Variants in RRP1 observed in about 807,000 individuals in gnomAD.
RRP1 encodes ribosomal RNA processing protein 1 homolog A.
In RRP1, 37 loss-of-function variants were observed where a neutral mutation model predicts 54.6. The ratio of observed to expected loss-of-function variants is 0.68; its 90% CI spans 0.52 to 0.89. The LOEUF (loss-of-function observed/expected upper bound fraction) is 0.89. Ranked by LOEUF, RRP1 falls within the 40% of genes least tolerant of loss-of-function variation. The pLI is 0.00. For missense variants in RRP1, 639 were observed against 612.5 expected (o/e 1.04, Z -0.46); for synonymous variants, 262 against 244.3 (o/e 1.07, Z -0.67).
chr21:43,797,262 G>T lies in RRP1; in HGVS notation c.423-160G>T, dbSNP rs375068117. 9.6e-6 allele frequency: 12 copies of T among 1,253,314 alleles called. No individual in the cohort carries two copies. The South Asian group carries it at 1.6e-4, about 16-fold the overall frequency. The allele number at this position is 1,253,314 out of a possible 1,614,324, so 77.6% of individuals were successfully genotyped here. A position where few individuals can be genotyped will look rare whatever the true frequency, so the allele number is the denominator to read the frequency against. ...GCGCTGGAGGAGACCTAGGATCGTT[G>T]ATATCATCTGCGTGGACTTTAAGGC... On this transcript the variant is annotated intron_variant, in intron 5 of 12. Transcript: ENST00000497547.
At chr21:43,794,510 C>G (rs1284795872) in intron 4 of RRP1, among the ~76,000 whole-genome samples, 6 of 152,214 alleles carry the variant, frequency 3.9e-5, no homozygotes, top group Non-Finnish European at 5.9e-5. Flanking sequence ...AGTGTCCGGG[C>G]TGCTGGGCTG....
At chr21:43,797,848 CTTCCGCTTGGGAATCCAGCA>C (rs1275379568) in intron 7 of RRP1, 39 bp from the exon 8 acceptor site, 4 of 1,579,442 alleles carry the variant, frequency 2.5e-6, no homozygotes, top group Non-Finnish European at 3.5e-6. Context: ...GAGTCGGCGG[CTTCCGCTTGGGAATCCAGCA>C]TAACGGGCCT....
chr21:43,803,869 G>A lies in RRP1; in HGVS notation c.*95G>A, dbSNP rs955794414. On this transcript the variant is annotated 3_prime_UTR_variant, in exon 13 of 13. Coordinates refer to ENST00000497547, the MANE Select transcript of RRP1 (RefSeq NM_003683.6). ...GGCTGTTCTGTAGACTCAGGACCGT[G>A]GCTCCAGAACTCCTGTGCCAGGCGG... The A allele has an allele frequency of 1.3e-5, 19 of 1,409,486 alleles. No homozygotes were observed. The African/African-American group carries it at 2.7e-4, about 20-fold the overall frequency. The allele number at this position is 1,409,486 out of a possible 1,614,324, so 87.3% of individuals were successfully genotyped here.
intron 1 of RRP1, chr21:43,790,618 A>G (rs995838538): frequency 2.2e-5 from 4 of 178,696 alleles, no homozygotes; most frequent in Admixed American, 1.7e-4. Flanking sequence ...GACAGACCTC[A>G]CTGTCATCCG....
rs1438604202 is a variant in RRP1, at chr21:43,797,541, G to T, written c.542G>T (p.Gly181Val). The T allele has an allele frequency of 6.2e-7, 1 of 1,613,988 alleles. No individual in the cohort carries two copies. Among genetic ancestry groups the T allele is most frequent in the East Asian group, 2.2e-5 (1 of 44,882 alleles). Residue 181 changes from glycine to valine, a missense_variant, in exon 6 of 13, where the codon GGC (glycine) becomes GTC (valine). Coordinates refer to ENST00000497547, the MANE Select transcript of RRP1 (RefSeq NM_003683.6). ...TTCCTGGAGGAGCTGACCAAAGTGGGCGCCGAGGAGGTGAGGCTGGGCTCC... is the reference window on the plus strand; with the variant it reads ...TTCCTGGAGGAGCTGACCAAAGTGGTCGCCGAGGAGGTGAGGCTGGGCTCC... ...EIFLEELTKV[G>V]AEELTADQNL...
chr21:43,797,317 C>T (rs926997649), intron 5 of RRP1, 105 bp from the exon 6 acceptor site: 32 of 1,490,648 alleles, frequency 2.1e-5, no homozygotes, highest in Middle Eastern at 2.5e-4. Context: ...GGCGCCTGCC[C>T]GCACTTAGGT....
intron 11 of RRP1, among the ~76,000 whole-genome samples, chr21:43,801,692 T>C (rs2085093428): frequency 6.6e-6 from 1 of 152,130 alleles, no homozygotes; most frequent in Non-Finnish European, 1.5e-5. Context: ...GCTGGTCGTC[T>C]GGGGTTTTCG....
chr21:43,802,629 C>T (rs890977358), intron 12 of RRP1: 2 of 515,692 alleles, frequency 3.9e-6, no homozygotes, highest in African/African-American at 1.9e-5. Context: ...GCGCTGCCCT[C>T]CCTCCCGGTC....
At chr21:43,791,236 C>CT in intron 1 of RRP1, 114 bp from the exon 2 acceptor site, 1 of 1,102,554 alleles carries the variant, frequency 9.1e-7, no homozygotes, top group Non-Finnish European at 1.4e-6. Flanking sequence ...CCCCAGTTGC[C>CT]TTTACCGTAA....
rs777838269 is a variant in RRP1 at position 43,789,593 on chromosome 21, G to A, written c.-37G>A. On this transcript the variant is annotated 5_prime_UTR_variant, in exon 1 of 13. Coordinates refer to ENST00000497547, the MANE Select transcript of RRP1 (RefSeq NM_003683.6). ...CGCGTGCTCAGTGTGCTGGGTACCA[G>A]GCGACTCCGGGACAGGGGGTCTCGG... 9 of 1,572,612 alleles carry A rather than the reference G, an allele frequency of 5.7e-6. No homozygotes were observed. Among genetic ancestry groups the A allele is most frequent in the South Asian group, 1.2e-5 (1 of 86,366 alleles).
chr21:43,791,064 A>C (rs1476826780), intron 1 of RRP1: 2 of 537,570 alleles, frequency 3.7e-6, no homozygotes, highest in Non-Finnish European at 7.1e-6. Context: ...AAGGTTCGCA[A>C]TTTTGAATTT....
chr21:43,793,523 G>C (rs2084982418), intron 4 of RRP1, 119 bp downstream of exon 4: 2 of 772,912 alleles, frequency 2.6e-6, no homozygotes, highest in Non-Finnish European at 4.3e-6. Flanking sequence ...CCTGAAGCCA[G>C]GGGTGGGAGG....
intron 4 of RRP1, among the ~76,000 whole-genome samples, chr21:43,793,767 G>A (rs977085672): frequency 7.9e-5 from 12 of 152,368 alleles, no homozygotes; most frequent in Admixed American, 7.8e-4. Context: ...TCACGCCCTA[G>A]CATGAGCCCT....
At chr21:43,794,188 A>T (rs1420022062) in intron 4 of RRP1, among the ~76,000 whole-genome samples, 7 of 152,226 alleles carry the variant, frequency 4.6e-5, no homozygotes, top group Non-Finnish European at 1.0e-4. Flanking sequence ...GTGATTCTAG[A>T]AGTGGAGACC....
intron 12 of RRP1, 43 bp downstream of exon 12, chr21:43,802,430 C>T: frequency 6.6e-7 from 1 of 1,519,648 alleles, no homozygotes; most frequent in Non-Finnish European, 9.1e-7. Flanking sequence ...GGCGTCCTCA[C>T]CTGCTTGCTT....
intron 8 of RRP1, 22 bp from the exon 9 acceptor site, chr21:43,799,548 C>T (rs1469921780): frequency 6.2e-7 from 1 of 1,605,482 alleles, no homozygotes; most frequent in South Asian, 1.1e-5. Context: ...AGGTAGGGTT[C>T]ACGGGGTCCC....
rs144601950 is a variant in RRP1 at position 43,798,567 on chromosome 21, C to T, written c.811+467C>T. Among the ~76,000 whole-genome samples the T allele has an allele frequency of 2.8e-3, 421 of 152,270 alleles. 2 individuals carry two copies. The highest frequency in any genetic ancestry group is 4.8e-3 in the Non-Finnish European group (329 of 68,010). ...GTTCCTCGTTCCTGGCCCGTCTCCC[C>T]AGAGGACAGCAAGCTCTGTCCATAT... On this transcript the variant is annotated intron_variant, in intron 8 of 12. Transcript: ENST00000497547.
chr21:43,792,945 C>G (rs1007161290), intron 3 of RRP1: 6 of 587,546 alleles, frequency 1.0e-5, no homozygotes, highest in Non-Finnish European at 1.8e-5. Context: ...ACCCTCATTT[C>G]GAGCCTAATG....
chr21:43,797,296 T>C lies in RRP1; in HGVS notation c.423-126T>C, dbSNP rs1388543280. On this transcript the variant is annotated intron_variant, in intron 5 of 12. Coordinates refer to ENST00000497547, the MANE Select transcript of RRP1 (RefSeq NM_003683.6). ...TGCGTGGACTTTAAGGCTGGCATGT[T>C]TGCAGACAGTGGCGCCTGCCCGCAC... is the stretch of plus-strand genomic sequence containing the variant. 2.3e-5 allele frequency: 34 copies of C among 1,450,240 alleles called. No individual in the cohort carries two copies. In the Admixed American group the frequency reaches 8.4e-4, roughly 36 times the overall value. 89.8% of individuals were successfully genotyped at this position (1,450,240 alleles called of 1,614,324 possible).
Sources: gnomAD v4.1 joint callset for allele counts (sites outside exome capture counted in the v4.1 genomes callset) on GRCh38, gnomAD v4.1.1 for gene constraint, MANE v1.5 for transcripts, NCBI Gene and HGNC (gene_info 2026-07-23, HGNC 2026-07-21) for gene names.